Variants in RNF17 observed in about 807,000 individuals in gnomAD.
The protein encoded by RNF17 is ring finger protein 17, also known as spermatogenesis associated 23.
In RNF17, 31 loss-of-function variants were observed where a neutral mutation model predicts 200.5. The observed-to-expected ratio is 0.15, with a 90% CI of 0.12 to 0.21. The LOEUF (loss-of-function observed/expected upper bound fraction) is 0.21. Ranked by LOEUF, RNF17 falls within the 10% of genes least tolerant of loss-of-function variation. The pLI is 1.00. For missense variants in RNF17, 1,628 were observed against 1,905.1 expected (o/e 0.85, Z 2.71); for synonymous variants, 606 against 637.8 (o/e 0.95, Z 0.75).
chr13:24,847,006 T>C lies in RNF17; in HGVS notation c.3101+1927T>C, dbSNP rs576723340. Among the ~76,000 whole-genome samples, 23 of 146,898 alleles carry C rather than the reference T, an allele frequency of 1.6e-4. No individual in the cohort carries two copies. In the East Asian group the frequency reaches 4.4e-3, roughly 28 times the overall value. On this transcript the variant is annotated intron_variant, in intron 22 of 35. Transcript: ENST00000255324. The stretch of plus-strand genomic sequence containing the variant: ...CCCTTTCAGCATTATTATAAAAACT[T>C]TAATGAACCTGTGTGTGATTTTTTT...
intron 5 of RNF17, 98 bp from the exon 6 acceptor site, chr13:24,781,746 G>T (rs1882400745): frequency 1.4e-6 from 1 of 723,620 alleles, no homozygotes; most frequent in Non-Finnish European, 2.3e-6. Context: ...GTGTTATTTT[G>T]AAGAGTCTAG....
the RNF17 span, among the ~76,000 whole-genome samples, chr13:24,887,921 G>A: frequency 3.3e-5 from 5 of 152,304 alleles, no homozygotes; most frequent in East Asian, 5.8e-4. Context: ...TGTGTGAGGC[G>A]CAGTAAAGCA....
intron 15 of RNF17, among the ~76,000 whole-genome samples, chr13:24,812,498 G>A (rs960373926): frequency 6.6e-5 from 10 of 152,138 alleles, no homozygotes; most frequent in South Asian, 2.1e-4. Flanking sequence ...GCCCTGCTTC[G>A]GCTCACGCAT....
At chr13:24,814,199 A>G (rs1887118552) in intron 15 of RNF17, among the ~76,000 whole-genome samples, 1 of 152,200 alleles carries the variant, frequency 6.6e-6, no homozygotes, top group Non-Finnish European at 1.5e-5. Context: ...CATGTTGAAT[A>G]GGCTGAGGAA....
intron 15 of RNF17, among the ~76,000 whole-genome samples, chr13:24,805,937 C>T (rs545658101): frequency 1.3e-3 from 191 of 151,930 alleles, no homozygotes; most frequent in African/African-American, 4.3e-3. Context: ...ATGTGCAGAA[C>T]ATGCAGGTTT....
rs1381160738 is a variant in RNF17, at chr13:24,807,688, G to C, written c.2091+3259G>C. Among the ~76,000 whole-genome samples the C allele has an allele frequency of 6.2e-3, 945 of 151,972 alleles. 11 individuals are homozygous for C. Among genetic ancestry groups the C allele is most frequent in the African/African-American group, 0.022 (910 of 41,490 alleles). On this transcript the variant is annotated intron_variant, in intron 15 of 35. Transcript: ENST00000255324. ...GTCAATTTTGTCTTTTGTTGCCATT[G>C]CTTTTGGTGTTTTAGACATGAAGTC...
intron 15 of RNF17, among the ~76,000 whole-genome samples, chr13:24,808,484 A>T (rs1381882717): frequency 9.9e-6 from 1 of 101,212 alleles, no homozygotes; most frequent in Non-Finnish European, 2.0e-5. Flanking sequence ...TGATTTTTGT[A>T]CATTGATTTT....
At chr13:24,792,206 G>A in intron 9 of RNF17, among the ~76,000 whole-genome samples, 1 of 152,154 alleles carries the variant, frequency 6.6e-6, no homozygotes, top group East Asian at 1.9e-4. Context: ...TTAAGCATCT[G>A]TACTGATCTT....
At chr13:24,840,868 A>C (rs1041233763) in intron 18 of RNF17, among the ~76,000 whole-genome samples, 7 of 152,286 alleles carry the variant, frequency 4.6e-5, no homozygotes, top group African/African-American at 1.7e-4. Flanking sequence ...TACCACGTGT[A>C]CCCCTATAAC....
At chr13:24,866,749 T>G (rs561275126) in intron 30 of RNF17, among the ~76,000 whole-genome samples, 167 of 5,454 alleles carry the variant, frequency 0.031, no homozygotes, top group Non-Finnish European at 0.24. Flanking sequence ...CAAGTTTTTA[T>G]GTAGACATGT....
intron 19 of RNF17, among the ~76,000 whole-genome samples, chr13:24,843,407 ACTT>A (rs1890881496): frequency 6.6e-6 from 1 of 152,092 alleles, no homozygotes; most frequent in South Asian, 2.1e-4. Context: ...AATCCCAGCT[ACTT>A]GGGAGGCTGA....
At chr13:24,822,661 T>C (rs1888204205) in intron 15 of RNF17, among the ~76,000 whole-genome samples, 1 of 152,178 alleles carries the variant, frequency 6.6e-6, no homozygotes, top group Non-Finnish European at 1.5e-5. Flanking sequence ...CCTCAGGTGA[T>C]CCACCCGCTT....
At chr13:24,847,020 T>C (rs1257790832) in intron 22 of RNF17, among the ~76,000 whole-genome samples, 3 of 122,424 alleles carry the variant, frequency 2.5e-5, no homozygotes, top group Non-Finnish European at 5.6e-5. Flanking sequence ...TGAACCTGTG[T>C]GTGATTTTTT....
intron 6 of RNF17, among the ~76,000 whole-genome samples, chr13:24,784,869 C>T (rs1038027271): frequency 2.6e-5 from 4 of 151,892 alleles, no homozygotes; most frequent in Admixed American, 2.0e-4. Context: ...ACCCGCCCAG[C>T]TAATTTTTTT....
intron 25 of RNF17, among the ~76,000 whole-genome samples, chr13:24,856,743 GT>G (rs1473758531): frequency 6.6e-6 from 1 of 152,118 alleles, no homozygotes; most frequent in Non-Finnish European, 1.5e-5. Context: ...ACCAATACCA[GT>G]TTTTTTCCTG....
intron 11 of RNF17, among the ~76,000 whole-genome samples, chr13:24,796,897 TTAG>T (rs1230682356): frequency 2.6e-5 from 4 of 152,224 alleles, no homozygotes; most frequent in Non-Finnish European, 5.9e-5. Flanking sequence ...TCTCATTATG[TTAG>T]TAGCAATCAA....
At chr13:24,883,046 G>A (rs1455902201), downstream of RNF17, 1 of 801,836 alleles carries the variant, frequency 1.2e-6, no homozygotes, top group Non-Finnish European at 2.1e-6. Flanking sequence ...AGATGCCACA[G>A]GGTAAACTTT....
chr13:24,786,910 CTT>C, intron 6 of RNF17, among the ~76,000 whole-genome samples: 1 of 152,182 alleles, frequency 6.6e-6, no homozygotes, highest in East Asian at 1.9e-4. Flanking sequence ...ATTTCTGTCT[CTT>C]TGTCTCTCTC....
chr13:24,882,097 G>T (rs1413856220), downstream of RNF17, among the ~76,000 whole-genome samples: 7 of 19,022 alleles, frequency 3.7e-4, no homozygotes, highest in South Asian at 4.3e-3. Context: ...TATATATATA[G>T]ATACATCTAT....
Sources: gnomAD v4.1 joint callset for allele counts (sites outside exome capture counted in the v4.1 genomes callset) on GRCh38, gnomAD v4.1.1 for gene constraint, MANE v1.5 for transcripts, NCBI Gene and HGNC (gene_info 2026-07-23, HGNC 2026-07-21) for gene names.